ETV5: variants seen among roughly 807,000 people sequenced by gnomAD.
ETV5 encodes the protein ETS variant transcription factor 5.
Under a neutral mutation model 70.0 loss-of-function variants are expected in ETV5, and 10 were observed. The ratio of observed to expected loss-of-function variants is 0.14; its 90% CI spans 0.09 to 0.24. ETV5 has a LOEUF of 0.24. Ranked by LOEUF, ETV5 falls within the 10% of genes least tolerant of loss-of-function variation. ETV5 has a pLI of 1.00. For synonymous variants in ETV5, 216 were observed against 242.2 expected, an observed-to-expected ratio of 0.89 and a Z score of 1.01; for missense variants, 453 against 651.2, an observed-to-expected ratio of 0.70 and a Z score of 3.31.
chr3:186,080,553 C>A (rs530638809), intron 6 of ETV5: 5 of 232,866 alleles, frequency 2.1e-5, no homozygotes, highest in Non-Finnish European at 4.2e-5. Flanking sequence ...TCTCCTCCCC[C>A]TTTCAGGCAA....
chr3:186,051,109 C>A (rs1344805723), intron 12 of ETV5, among the ~76,000 whole-genome samples: 2 of 152,172 alleles, frequency 1.3e-5, no homozygotes, highest in African/African-American at 4.8e-5. Context: ...CTGTATGACG[C>A]ACTAGCAAGT....
chr3:186,084,342 G>T lies in ETV5; in HGVS notation c.233-3167C>A, dbSNP rs1714004717. 3 of 362,798 alleles carry T rather than the reference G, an allele frequency of 8.3e-6. No homozygotes were observed. In the Admixed American group the frequency reaches 1.2e-4, roughly 14 times the overall value. 22.5% of individuals were successfully genotyped at this position (362,798 alleles called of 1,614,324 possible). ...AGCTAATAAACATCTTCTGCAATTA[G>T]AAACTTTGAGTTTAAACTCAGAATT... On this transcript the variant is annotated intron_variant, in intron 5 of 12. Transcript: ENST00000306376.
chr3:186,054,277 A>G lies in ETV5; in HGVS notation c.1210-2146T>C, dbSNP rs1425194047. 2.0e-5 allele frequency among the ~76,000 whole-genome samples: 3 copies of G among 152,138 alleles called. No individual in the cohort carries two copies. Among genetic ancestry groups the G allele is most frequent in the African/African-American group, 7.2e-5 (3 of 41,420 alleles). On this transcript the variant is annotated intron_variant, in intron 11 of 12. Transcript: ENST00000306376. The surrounding 1 kb of genome is among the most constrained non-coding windows in gnomAD (Gnocchi z 4.4). ...CATCAGATCTTTCTTCTCTCTCATT[A>G]GTTACTTTGGTAGCACGTATCTTGA...
At chr3:186,106,361 T>C (rs1393094788) in intron 1 of ETV5, among the ~76,000 whole-genome samples, 1 of 152,214 alleles carries the variant, frequency 6.6e-6, no homozygotes, top group African/African-American at 2.4e-5. Flanking sequence ...GCAGAGAAAC[T>C]GGGTTTAAGT....
intron 5 of ETV5, among the ~76,000 whole-genome samples, chr3:186,084,453 C>T (rs1396168942): frequency 6.9e-6 from 1 of 144,772 alleles, no homozygotes; most frequent in Non-Finnish European, 1.5e-5. Flanking sequence ...GAAGATCTTT[C>T]TTTCTGTCTT....
chr3:186,072,795 T>C (rs183142384), intron 7 of ETV5, among the ~76,000 whole-genome samples: 2 of 152,210 alleles, frequency 1.3e-5, no homozygotes, highest in African/African-American at 4.8e-5. Flanking sequence ...AACTAAGACA[T>C]GTCCCCAGGA....
chr3:186,089,741 AG>A (rs1260148721), intron 5 of ETV5, among the ~76,000 whole-genome samples: 1 of 152,258 alleles, frequency 6.6e-6, no homozygotes, highest in Non-Finnish European at 1.5e-5. Flanking sequence ...AAAATAAAAA[AG>A]CTAGGGAGAC....
chr3:186,082,569 C>T (rs564414038), intron 5 of ETV5, among the ~76,000 whole-genome samples: 2 of 152,014 alleles, frequency 1.3e-5, no homozygotes, highest in South Asian at 2.1e-4. Context: ...TACAGGTGCC[C>T]GCCACCATGC....
Position 186,066,037 on chromosome 3 carries a change from A to G in ETV5, c.686T>C (p.Phe229Ser). The G allele has an allele frequency of 1.9e-6, 3 of 1,609,214 alleles. No homozygotes were observed. Among genetic ancestry groups the G allele is most frequent in the Non-Finnish European group, 2.5e-6 (3 of 1,177,732 alleles). ...QRQLSEPCHP[F>S]PPQPGVPGDN... is the part of the protein sequence containing the mutation. Reference sequence around the variant, plus strand: ...TCCAGGAACTCCTGGCTGAGGAGGGAAGGGGTGGCAGGGTTCAGACAGTTG... The same window carrying G: ...TCCAGGAACTCCTGGCTGAGGAGGGGAGGGGTGGCAGGGTTCAGACAGTTG... The change falls in exon 8 of 13, where the codon TTC becomes TCC. Residue 229 changes from phenylalanine to serine, a missense_variant. By Grantham distance (155) the Phe-to-Ser change is radical. Around this residue, in one of 4 missense-constraint regions of ETV5, gnomAD observed 307 missense variants for 344.9 expected, o/e 0.89. Transcript: ENST00000306376.
chr3:186,085,484 C>T (rs1714034813), intron 5 of ETV5, among the ~76,000 whole-genome samples: 1 of 151,332 alleles, frequency 6.6e-6, no homozygotes, highest in Non-Finnish European at 1.5e-5. Context: ...CAAGCAATGC[C>T]ATCTCTGACT....
At chr3:186,091,609 C>G (rs1234548333) in intron 5 of ETV5, among the ~76,000 whole-genome samples, 1 of 152,118 alleles carries the variant, frequency 6.6e-6, no homozygotes, top group Non-Finnish European at 1.5e-5. Flanking sequence ...GGAAAAAAAA[C>G]TACAGTCAGC....
At chr3:186,108,128 C>A (rs1714639979) in intron 1 of ETV5, among the ~76,000 whole-genome samples, 1 of 146,100 alleles carries the variant, frequency 6.8e-6, no homozygotes, top group Non-Finnish European at 1.5e-5. Flanking sequence ...AATCCCCCCA[C>A]CCCCAACATC....
chr3:186,053,425 T>C lies in ETV5; in HGVS notation c.1210-1294A>G, dbSNP rs536458131. Among the ~76,000 whole-genome samples the C allele has an allele frequency of 4.0e-4, 60 of 151,652 alleles. 1 individual carries two copies. In the South Asian group the frequency reaches 0.011, roughly 28 times the overall value. ...CCCCTTCGATATTTTAAAAGCCAAATGTTAAACATGGAGTAGGAATCAGAG... is the reference window on the plus strand; with the variant it reads ...CCCCTTCGATATTTTAAAAGCCAAACGTTAAACATGGAGTAGGAATCAGAG... On this transcript the variant is annotated intron_variant, in intron 11 of 12. Coordinates refer to ENST00000306376, the MANE Select transcript of ETV5 (RefSeq NM_004454.3).
Position 186,048,687 on chromosome 3 carries a change from G to A in ETV5, c.1485C>T (p.Asp495=). The part of the protein sequence containing the change: ...HFEDSPAYLL[D]MDRCSSLPYA... ...AGGGGAGGCTGCTGCAGCGGTCCATGTCCAGGAGGTAAGCGGGGCTGTCTT... is the reference window on the plus strand; with the variant it reads ...AGGGGAGGCTGCTGCAGCGGTCCATATCCAGGAGGTAAGCGGGGCTGTCTT... The change falls in exon 13 of 13, where the codon GAC becomes GAT. Residue 495 remains aspartate (D), a synonymous_variant. Coordinates refer to ENST00000306376, the MANE Select transcript of ETV5 (RefSeq NM_004454.3). 1 of 1,614,212 alleles carries A rather than the reference G, an allele frequency of 6.2e-7. No homozygotes were observed. The highest frequency in any genetic ancestry group is 8.5e-7 in the Non-Finnish European group (1 of 1,180,040).
intron 8 of ETV5, among the ~76,000 whole-genome samples, chr3:186,065,071 C>T (rs1034029031): frequency 6.6e-6 from 1 of 152,192 alleles, no homozygotes; most frequent in Non-Finnish European, 1.5e-5. Flanking sequence ...CCAAACCACA[C>T]TCAAGTGATC....
At chr3:186,053,223 T>C (rs1262000265) in intron 11 of ETV5, among the ~76,000 whole-genome samples, 1 of 152,172 alleles carries the variant, frequency 6.6e-6, no homozygotes, top group Non-Finnish European at 1.5e-5. Flanking sequence ...TGCCTCAGTC[T>C]CCTGAGCAGC....
At chr3:186,088,161 T>C (rs950062006) in intron 5 of ETV5, among the ~76,000 whole-genome samples, 2 of 152,148 alleles carry the variant, frequency 1.3e-5, no homozygotes, top group East Asian at 3.8e-4. Context: ...GACTCATCTT[T>C]CCCAAATCAG....
At chr3:186,108,234 G>A (rs1420749254) in intron 1 of ETV5, among the ~76,000 whole-genome samples, 1 of 151,036 alleles carries the variant, frequency 6.6e-6, no homozygotes, top group Non-Finnish European at 1.5e-5. Context: ...CCGCTGCGAG[G>A]CTGCAGCATC....
chr3:186,080,184 T>A, intron 6 of ETV5, 80 bp from the exon 7 acceptor site: 1 of 1,220,708 alleles, frequency 8.2e-7, no homozygotes, highest in Non-Finnish European at 1.1e-6. Flanking sequence ...AGAAAGCTAG[T>A]TTGCAGCCCA....
Sources: allele counts gnomAD v4.1 joint callset (sites outside exome capture counted in the v4.1 genomes callset), GRCh38; gene constraint gnomAD v4.1.1; regional missense constraint gnomAD v4.1.1; non-coding constraint Gnocchi (gnomAD v3.1); transcripts MANE v1.5; gene names NCBI Gene and HGNC (gene_info 2026-07-23, HGNC 2026-07-21).